Variants in MAGI2 observed in about 807,000 individuals in gnomAD.
MAGI2 encodes membrane-associated guanylate kinase, WW and PDZ domain-containing protein 2.
MAGI2 carries 35 observed loss-of-function variants against 133.3 expected under a neutral mutation model. That is an observed-to-expected ratio of 0.26 (90% CI 0.20 to 0.35). The LOEUF is 0.35. Ranked by LOEUF, MAGI2 falls within the 10% of genes least tolerant of loss-of-function variation. MAGI2 has a pLI of 1.00. For missense variants in MAGI2, 1,636 were observed against 1,863.4 expected (o/e 0.88, Z 2.25); for synonymous variants, 729 against 710.6 (o/e 1.03, Z -0.41).
At chr7:79,285,435 G>A (rs1482635147) in intron 1 of MAGI2, among the ~76,000 whole-genome samples, 1 of 152,008 alleles carries the variant, frequency 6.6e-6, no homozygotes, top group Non-Finnish European at 1.5e-5. Context: ...ACTCCATCCA[G>A]TGTGCCTGAG....
At chr7:78,543,157 G>T (rs976932371) in intron 3 of MAGI2, among the ~76,000 whole-genome samples, 1 of 152,136 alleles carries the variant, frequency 6.6e-6, no homozygotes, top group African/African-American at 2.4e-5. Flanking sequence ...CAAGGAAAAG[G>T]ACAAAAGCTT....
rs1438863886 is a variant in MAGI2 at position 78,019,301 on chromosome 7, C to G, written c.*14G>C. On this transcript the variant is annotated 3_prime_UTR_variant, in exon 22 of 22. Coordinates refer to ENST00000354212, the MANE Select transcript of MAGI2 (RefSeq NM_012301.4). ...CCTGCGCCGGGGCGGGCGGGTTGGC[C>G]GTGGCCGCGCGGCTCATCTGCTGGC... The G allele has an allele frequency of 3.8e-6, 6 of 1,569,914 alleles. No individual in the cohort carries two copies. The highest frequency in any genetic ancestry group is 5.1e-6 in the Non-Finnish European group (6 of 1,167,704).
At chr7:78,577,037 G>T (rs1323361920) in intron 3 of MAGI2, among the ~76,000 whole-genome samples, 1 of 152,132 alleles carries the variant, frequency 6.6e-6, no homozygotes, top group Non-Finnish European at 1.5e-5. Context: ...TGTTATAGGG[G>T]TGTCAGCCAT....
At chr7:78,169,161 T>TAAAAA in intron 14 of MAGI2, among the ~76,000 whole-genome samples, 1 of 152,332 alleles carries the variant, frequency 6.6e-6, no homozygotes, top group East Asian at 1.9e-4. Flanking sequence ...GCACTCAGTT[T>TAAAAA]AGTGTGCATT....
At chr7:79,170,353 T>G (rs2129548495) in intron 1 of MAGI2, among the ~76,000 whole-genome samples, 1 of 151,766 alleles carries the variant, frequency 6.6e-6, no homozygotes, top group African/African-American at 2.4e-5. Flanking sequence ...TTTAAAAAAT[T>G]TTTGTAGAGA....
intron 7 of MAGI2, among the ~76,000 whole-genome samples, chr7:78,363,511 GATAATAATA>G (rs10570471): frequency 6.8e-6 from 1 of 147,794 alleles, no homozygotes; most frequent in Non-Finnish European, 1.5e-5. Context: ...TAATAATAAT[GATAATAATA>G]ATAATAATAA....
At chr7:78,494,154 G>A (rs1249558593) in intron 5 of MAGI2, among the ~76,000 whole-genome samples, 4 of 151,908 alleles carry the variant, frequency 2.6e-5, no homozygotes, top group South Asian at 2.1e-4. Flanking sequence ...CTAATTTTTT[G>A]TATTTTTCTG....
chr7:78,098,966 GT>G (rs559712637), intron 20 of MAGI2, among the ~76,000 whole-genome samples: 3 of 151,744 alleles, frequency 2.0e-5, no homozygotes, highest in Admixed American at 6.6e-5. Flanking sequence ...AATTCATGGA[GT>G]TTTTTTTATT....
chr7:78,161,680 A>G (rs1825011116), intron 15 of MAGI2, among the ~76,000 whole-genome samples: 3 of 145,906 alleles, frequency 2.1e-5, no homozygotes, highest in South Asian at 4.3e-4. Flanking sequence ...AAAAAAAAAA[A>G]AAAAAAAGAA....
At chr7:79,062,647 GAA>G (rs1813867340) in intron 1 of MAGI2, among the ~76,000 whole-genome samples, 1 of 152,038 alleles carries the variant, frequency 6.6e-6, no homozygotes, top group Non-Finnish European at 1.5e-5. Context: ...TTTAAAAAGA[GAA>G]AAATATATAT....
At chr7:78,409,469 C>A (rs1797677092) in intron 6 of MAGI2, among the ~76,000 whole-genome samples, 1 of 151,838 alleles carries the variant, frequency 6.6e-6, no homozygotes, top group African/African-American at 2.4e-5. Flanking sequence ...TCAGGGGCAT[C>A]ACAAAAAAGA....
intron 6 of MAGI2, among the ~76,000 whole-genome samples, chr7:78,430,163 T>C (rs1363984401): frequency 6.6e-6 from 1 of 151,756 alleles, no homozygotes; most frequent in Non-Finnish European, 1.5e-5. Flanking sequence ...AGTTCTCAGG[T>C]GATTCTGGTC....
At chr7:78,423,207 C>A (rs375407014) in intron 6 of MAGI2, among the ~76,000 whole-genome samples, 1 of 152,084 alleles carries the variant, frequency 6.6e-6, no homozygotes, top group Non-Finnish European at 1.5e-5. Context: ...TTCCTGTGAT[C>A]TTCTCGTGAT....
At chr7:78,379,022 A>G (rs1794693084) in intron 6 of MAGI2, among the ~76,000 whole-genome samples, 1 of 152,078 alleles carries the variant, frequency 6.6e-6, no homozygotes, top group African/African-American at 2.4e-5. Flanking sequence ...TACCAGTACA[A>G]AGACAAACAT....
chr7:78,344,424 A>AT (rs1387624582), intron 8 of MAGI2, among the ~76,000 whole-genome samples: 1 of 152,056 alleles, frequency 6.6e-6, no homozygotes, highest in East Asian at 1.9e-4. Flanking sequence ...GAGAAATGAA[A>AT]TGGACATGGA....
intron 16 of MAGI2, among the ~76,000 whole-genome samples, chr7:78,143,915 G>T (rs1823017243): frequency 6.7e-6 from 1 of 148,524 alleles, no homozygotes. Flanking sequence ...TTCACTTATA[G>T]TCCTATAAGT....
At chr7:78,153,106 CAT>C (rs1824049908) in intron 16 of MAGI2, among the ~76,000 whole-genome samples, 1 of 152,194 alleles carries the variant, frequency 6.6e-6, no homozygotes, top group African/African-American at 2.4e-5. Flanking sequence ...TTTATAATGA[CAT>C]AGAGAAGGCT....
chr7:79,394,758 T>C (rs964225205), intron 1 of MAGI2, among the ~76,000 whole-genome samples: 10 of 152,230 alleles, frequency 6.6e-5, no homozygotes, highest in African/African-American at 2.4e-4. Context: ...TTAATGACAT[T>C]ATTTGTTTTA....
intron 2 of MAGI2, among the ~76,000 whole-genome samples, chr7:78,732,385 C>T (rs1029881909): frequency 6.6e-6 from 1 of 152,104 alleles, no homozygotes; most frequent in African/African-American, 2.4e-5. Context: ...TTGGTACTAT[C>T]TAGGAAAGCC....
Sources: gnomAD v4.1 joint callset for allele counts (sites outside exome capture counted in the v4.1 genomes callset) on GRCh38, gnomAD v4.1.1 for gene constraint, MANE v1.5 for transcripts, NCBI Gene and HGNC (gene_info 2026-07-23, HGNC 2026-07-21) for gene names.